DPP10: variants seen among roughly 807,000 people sequenced by gnomAD.
The protein encoded by DPP10 is inactive dipeptidyl peptidase 10.
DPP10 carries 33 observed loss-of-function variants against 120.9 expected under a neutral mutation model. The ratio of observed to expected loss-of-function variants is 0.27; its 90% confidence interval spans 0.21 to 0.37. The LOEUF (loss-of-function observed/expected upper bound fraction) is 0.37, where lower values mean the gene tolerates loss of function less well. DPP10 is among the 10% of genes least tolerant of loss of function. The probability of loss-of-function intolerance (pLI) is 1.00; values close to 1 mark genes in which losing one functional copy is unlikely to be tolerated. For missense variants in DPP10, 816 were observed against 942.8 expected, an observed-to-expected ratio of 0.87 and a Z score of 1.76; for synonymous variants, 337 against 326.1, an observed-to-expected ratio of 1.03 and a Z score of -0.36.
At chr2:114,942,493 G>A (rs1424219790) in intron 1 of DPP10, among the ~76,000 whole-genome samples, 1 of 148,092 alleles carries the variant, frequency 6.8e-6, no homozygotes, top group African/African-American at 2.6e-5. Flanking sequence ...GCATGGGAAG[G>A]ATGGTTGAAA....
intron 1 of DPP10, among the ~76,000 whole-genome samples, chr2:114,819,627 A>C (rs1519674): frequency 0.17 from 26,375 of 152,224 alleles, 2,814 homozygotes; most frequent in Non-Finnish European, 0.24. Flanking sequence ...CCCCAGGCAA[A>C]CCTTGCAAAA....
At chr2:115,343,706 A>G (rs1311354076) in intron 2 of DPP10, 111 bp from the exon 3 acceptor site, 6 of 584,516 alleles carry the variant, frequency 1.0e-5, no homozygotes, top group African/African-American at 1.9e-5. Flanking sequence ...GTCACTTTAT[A>G]TTGTTATGTA....
At chr2:114,679,682 AATCT>A (rs1227819923) in intron 1 of DPP10, among the ~76,000 whole-genome samples, 2 of 152,016 alleles carry the variant, frequency 1.3e-5, no homozygotes, top group Non-Finnish European at 2.9e-5. Flanking sequence ...AAATTTAGAT[AATCT>A]ATCATAAATT....
chr2:115,167,157 A>T (rs2052937355), intron 1 of DPP10, among the ~76,000 whole-genome samples: 1 of 152,040 alleles, frequency 6.6e-6, no homozygotes, highest in South Asian at 2.1e-4. Flanking sequence ...GTTTGTTCTA[A>T]CGGTTAAATG....
chr2:115,655,054 GA>G (rs1316211084), intron 5 of DPP10, among the ~76,000 whole-genome samples: 1 of 151,014 alleles, frequency 6.6e-6, no homozygotes, highest in Non-Finnish European at 1.5e-5. Context: ...TGTATACTTG[GA>G]AAAAAAATTA....
intron 5 of DPP10, among the ~76,000 whole-genome samples, chr2:115,526,860 G>C (rs1197170127): frequency 6.6e-6 from 1 of 151,974 alleles, no homozygotes; most frequent in Admixed American, 6.6e-5. Context: ...TATATTTTTT[G>C]ACTTAAGTAA....
At chr2:114,895,360 T>C (rs1025362472) in intron 1 of DPP10, among the ~76,000 whole-genome samples, 1 of 152,228 alleles carries the variant, frequency 6.6e-6, no homozygotes, top group Non-Finnish European at 1.5e-5. Context: ...TCCTTCTCCT[T>C]GGGCACACAG....
At chr2:114,756,653 G>A (rs898008026) in intron 1 of DPP10, among the ~76,000 whole-genome samples, 1 of 152,154 alleles carries the variant, frequency 6.6e-6, no homozygotes, top group African/African-American at 2.4e-5. Context: ...TGTAGGGCAG[G>A]TCCAAGAAGA....
At chr2:115,011,900 C>A (rs1240315608) in intron 1 of DPP10, among the ~76,000 whole-genome samples, 1 of 151,860 alleles carries the variant, frequency 6.6e-6, no homozygotes, top group African/African-American at 2.4e-5. Context: ...CTCAGCCCTG[C>A]TCACTGGTTG....
intron 1 of DPP10, among the ~76,000 whole-genome samples, chr2:114,582,464 G>A (rs1166853026): frequency 6.6e-6 from 1 of 152,160 alleles, no homozygotes; most frequent in African/African-American, 2.4e-5. Flanking sequence ...CAAGGAACTG[G>A]ATGGCTGAAT....
chr2:114,474,515 C>A (rs1680211581), intron 1 of DPP10, among the ~76,000 whole-genome samples: 1 of 152,128 alleles, frequency 6.6e-6, no homozygotes, highest in Non-Finnish European at 1.5e-5. Context: ...GTATCTTTCT[C>A]AGGGGACTGA....
chr2:115,666,544 T>G (rs889254694), intron 5 of DPP10, among the ~76,000 whole-genome samples: 21 of 152,082 alleles, frequency 1.4e-4, no homozygotes, highest in African/African-American at 4.3e-4. Flanking sequence ...ATATCAAAGG[T>G]TATGGCCTCC....
chr2:114,959,034 G>A (rs1350747357), intron 1 of DPP10, among the ~76,000 whole-genome samples: 1 of 152,006 alleles, frequency 6.6e-6, no homozygotes, highest in East Asian at 1.9e-4. Context: ...TTGTTTGTTT[G>A]TTTGGTGGTT....
intron 8 of DPP10, among the ~76,000 whole-genome samples, chr2:115,739,145 T>A (rs571645244): frequency 1.7e-4 from 26 of 152,060 alleles, no homozygotes; most frequent in Non-Finnish European, 3.2e-4. Context: ...CTGACTTTAC[T>A]CTCCTCTTTC....
At chr2:115,373,992 C>G (rs2065603854) in intron 3 of DPP10, among the ~76,000 whole-genome samples, 1 of 151,944 alleles carries the variant, frequency 6.6e-6, no homozygotes, top group South Asian at 2.1e-4. Context: ...CGGATATCTG[C>G]CCCCATGTTC....
chr2:115,565,949 C>A (rs925333396), intron 5 of DPP10, among the ~76,000 whole-genome samples: 1 of 151,842 alleles, frequency 6.6e-6, no homozygotes, highest in African/African-American at 2.4e-5. Context: ...CCAAGCTCAG[C>A]TAATTTTTGT....
chr2:114,778,740 T>C (rs956681841), intron 1 of DPP10, among the ~76,000 whole-genome samples: 3 of 152,068 alleles, frequency 2.0e-5, no homozygotes, highest in Non-Finnish European at 4.4e-5. Flanking sequence ...GTCGCATGAC[T>C]GCACCTAATT....
intron 1 of DPP10, among the ~76,000 whole-genome samples, chr2:114,678,631 TA>T (rs1247399475): frequency 3.9e-5 from 6 of 152,210 alleles, no homozygotes; most frequent in African/African-American, 1.2e-4. Context: ...GGGCAACCAT[TA>T]TTTTTTTTTA....
Position 114,589,410 on chromosome 2 carries a change from TCTG to T in DPP10, c.60+146575_60+146577del, listed in dbSNP as rs550021784. 2.4e-4 allele frequency among the ~76,000 whole-genome samples: 37 copies of T among 152,348 alleles called. 1 individual carries two copies. In the South Asian group the frequency reaches 3.7e-3, roughly 15 times the overall value. ...GAAGACAAACAGATATAACGTGAATTCTGCTATTACAGGGAATATTGTACACCT... is the reference window on the plus strand; with the variant it reads ...GAAGACAAACAGATATAACGTGAATTCTATTACAGGGAATATTGTACACCT... On this transcript the variant is annotated intron_variant, in intron 1 of 25. Coordinates refer to ENST00000410059, the MANE Select transcript of DPP10 (RefSeq NM_020868.6).
Sources: gnomAD v4.1 joint callset for allele counts (sites outside exome capture counted in the v4.1 genomes callset) on GRCh38, gnomAD v4.1.1 for gene constraint, MANE v1.5 for transcripts, NCBI Gene and HGNC (gene_info 2026-07-23, HGNC 2026-07-21) for gene names.